Variants in TRABD observed in about 807,000 individuals in gnomAD.
TRABD encodes the protein TraB domain containing.
TRABD carries 23 observed loss-of-function variants against 39.6 expected under a neutral mutation model. That is an observed-to-expected ratio of 0.58 (90% CI 0.42 to 0.82). The LOEUF (loss-of-function observed/expected upper bound fraction) is 0.82, where lower values mean the gene tolerates loss of function less well. Ranked by LOEUF, TRABD falls within the 40% of genes least tolerant of loss-of-function variation. TRABD has a pLI of 0.00. For missense variants in TRABD, 487 were observed against 544.9 expected (o/e 0.89, Z 1.06); for synonymous variants, 243 against 232.1 (o/e 1.05, Z -0.43).
chr22:50,199,492 C>T lies in TRABD; in HGVS notation c.*973C>T, dbSNP rs571774059. The T allele has an allele frequency of 7.7e-4, 160 of 206,884 alleles. 1 individual carries two copies. The South Asian group carries it at 0.021, about 28-fold the overall frequency. The allele number at this position is 206,884 out of a possible 1,614,324, so 12.8% of individuals were successfully genotyped here. A position where few individuals can be genotyped will look rare whatever the true frequency, so the allele number is the denominator to read the frequency against. ...ATCTCTGGTTGTGTCTGTGCCGACT[C>T]GGTGTTGAATCAAATCAGGTGTGCG... On this transcript the variant is annotated 3_prime_UTR_variant, in exon 10 of 10. Transcript: ENST00000380909.
At chr22:50,192,938 G>T in intron 1 of TRABD, 89 bp from the exon 2 acceptor site, 1 of 1,242,350 alleles carries the variant, frequency 8.0e-7, no homozygotes, top group East Asian at 2.5e-5. Context: ...CCCAACAGAT[G>T]GTTCTAGACT....
intron 1 of TRABD, among the ~76,000 whole-genome samples, chr22:50,186,395 G>T (rs1172090058): frequency 6.6e-6 from 1 of 152,012 alleles, no homozygotes; most frequent in East Asian, 1.9e-4. Flanking sequence ...GTTTGGGGCG[G>T]GAGCAGGCCC....
rs750136781 is a variant in TRABD at position 50,198,205 on chromosome 22, C to T, written c.956+19C>T. On this transcript the variant is annotated intron_variant, in intron 9 of 9. Coordinates refer to ENST00000380909, the MANE Select transcript of TRABD (RefSeq NM_001320485.2). The surrounding 1 kb of genome is among the most constrained non-coding windows in gnomAD (Gnocchi z 7.9). ...TCATGACGTGAGTGCCCGCCCCTCC[C>T]TGCAAGCCCCACCCCACAAGCCCCC... 6.3e-7 allele frequency: 1 copy of T among 1,589,660 alleles called. No individual in the cohort carries two copies. The highest frequency in any genetic ancestry group is 1.3e-5 in the African/African-American group (1 of 74,244).
Position 50,194,468 on chromosome 22 carries a change from GCCCACT to G in TRABD, c.242_247del (p.Ala81_Phe83delinsVal). 6.2e-7 allele frequency: 1 copy of G among 1,605,018 alleles called. No individual in the cohort carries two copies. On this transcript the variant is annotated inframe_deletion, in exon 4 of 10. Coordinates refer to ENST00000380909, the MANE Select transcript of TRABD (RefSeq NM_001320485.2). ...GAGCAGGGTGTACGTGGTGGGGACAGCCCACTTCAGCGACGACAGCAAGAGGGACGT... is the reference window on the plus strand; with the variant it reads ...GAGCAGGGTGTACGTGGTGGGGACAGTCAGCGACGACAGCAAGAGGGACGT...
chr22:50,199,146 A>G lies in TRABD; in HGVS notation c.*627A>G. On this transcript the variant is annotated 3_prime_UTR_variant, in exon 10 of 10. Transcript: ENST00000380909. Reference sequence around the variant, plus strand: ...AAAACTGAAGTAAATGTCAAAAAACACCAGCCTTAAATCCAAAGGGAGAGA... The same window carrying G: ...AAAACTGAAGTAAATGTCAAAAAACGCCAGCCTTAAATCCAAAGGGAGAGA... 1.4e-6 allele frequency: 1 copy of G among 719,966 alleles called. No homozygotes were observed. Among genetic ancestry groups the G allele is most frequent in the Non-Finnish European group, 2.6e-6 (1 of 385,968 alleles). 44.6% of individuals were successfully genotyped at this position (719,966 alleles called of 1,614,324 possible).
chr22:50,192,603 G>C (rs903162328), intron 1 of TRABD, among the ~76,000 whole-genome samples: 3 of 152,242 alleles, frequency 2.0e-5, no homozygotes, highest in African/African-American at 7.2e-5. Flanking sequence ...AAGGGGAAGT[G>C]GCTTTTGTAC....
intron 7 of TRABD, 59 bp from the exon 8 acceptor site, chr22:50,197,764 G>GGCCCCCCCCCCCCCCCCCCGGGGCCCCCC: frequency 7.8e-7 from 1 of 1,284,796 alleles, no homozygotes; most frequent in Non-Finnish European, 1.1e-6. Flanking sequence ...CACAGTGCCA[G>GGCCCCCCCCCCCCCCCCCCGGGGCCCCCC]CCCCACCCCC....
rs1014589989 is a variant in TRABD, at chr22:50,199,392, C to T, written c.*873C>T. 1.3e-5 allele frequency: 5 copies of T among 373,094 alleles called. No individual in the cohort carries two copies. The highest frequency in any genetic ancestry group is 1.1e-4 in the South Asian group (3 of 26,152). The allele number at this position is 373,094 out of a possible 1,614,324, so 23.1% of individuals were successfully genotyped here. A position where few individuals can be genotyped will look rare whatever the true frequency, so the allele number is the denominator to read the frequency against. On this transcript the variant is annotated 3_prime_UTR_variant, in exon 10 of 10. Transcript: ENST00000380909. Reference sequence around the variant, plus strand: ...TGTCCCGCTCAGGCCCCCTGCCCGGCGGCCGTCTGTGTGCGGGGCCTCCCT... The same window carrying T: ...TGTCCCGCTCAGGCCCCCTGCCCGGTGGCCGTCTGTGTGCGGGGCCTCCCT...
intron 1 of TRABD, among the ~76,000 whole-genome samples, chr22:50,186,897 G>A (rs1421881430): frequency 1.2e-4 from 19 of 152,262 alleles, no homozygotes; most frequent in Non-Finnish European, 1.5e-4. Context: ...AGCTGTCTGG[G>A]CACTAGCGTC....
At chr22:50,196,148 G>A (rs1241255282) in intron 5 of TRABD, among the ~76,000 whole-genome samples, 2 of 152,298 alleles carry the variant, frequency 1.3e-5, no homozygotes, top group East Asian at 1.9e-4. Flanking sequence ...GTCCCCTCCC[G>A]GGGGACACTC....
Position 50,198,039 on chromosome 22 carries a change from C to A in TRABD, c.845-36C>A, listed in dbSNP as rs758718870. On this transcript the variant is annotated intron_variant, in intron 8 of 9. Coordinates refer to ENST00000380909, the MANE Select transcript of TRABD (RefSeq NM_001320485.2). The surrounding 1 kb of genome is among the most constrained non-coding windows in gnomAD (Gnocchi z 7.9). The stretch of plus-strand genomic sequence containing the variant: ...CGTGGGACCCCCTGTGAGGCTGAGG[C>A]CCGAGCAGGTACTGACCCCTTGTCC... 5 of 1,611,006 alleles carry A rather than the reference C, an allele frequency of 3.1e-6. No homozygotes were observed. The highest frequency in any genetic ancestry group is 4.2e-6 in the Non-Finnish European group (5 of 1,178,786).
At chr22:50,188,049 A>T (rs181301031) in intron 1 of TRABD, among the ~76,000 whole-genome samples, 3 of 152,102 alleles carry the variant, frequency 2.0e-5, no homozygotes, top group African/African-American at 7.2e-5. Flanking sequence ...TGGGAGGCCG[A>T]GGCAGGTGGA....
chr22:50,190,390 G>T (rs975620177), intron 1 of TRABD, among the ~76,000 whole-genome samples: 1 of 152,188 alleles, frequency 6.6e-6, no homozygotes, highest in African/African-American at 2.4e-5. Flanking sequence ...CTGCTGCACC[G>T]AGACCCTGCC....
At position 50,198,370 on chromosome 22, in the gene TRABD, A is replaced by G. The variant is rs1284222722; in HGVS notation, c.982A>G (p.Arg328Gly). ...MTVPPPSVSG[R>G]VSRLAVKAAF... ...CGTGCCCCCGCCGTCCGTCTCCGGC[A>G]GAGTGTCTCGGTTGGCCGTGAAGGC... The change falls in exon 10 of 10, where the codon AGA becomes GGA. Residue 328 changes from arginine to glycine, a missense_variant. This residue lies in a region of TRABD where 123 missense variants were observed against 108.3 expected (regional missense o/e 1.14). Transcript: ENST00000380909. This position sits in a 1 kb window ranked among gnomAD's most constrained non-coding sequence, Gnocchi z 7.9. The G allele has an allele frequency of 6.3e-7, 1 of 1,585,158 alleles. No homozygotes were observed. Among genetic ancestry groups the G allele is most frequent in the Non-Finnish European group, 8.5e-7 (1 of 1,170,858 alleles).
At chr22:50,197,799 G>A in intron 7 of TRABD, 24 bp from the exon 8 acceptor site, 2 of 1,605,650 alleles carry the variant, frequency 1.2e-6, no homozygotes. Context: ...ATCCCTGCGG[G>A]GCTGCAGCCA....
Position 50,198,388 on chromosome 22 carries a change from G to C in TRABD, c.1000G>C (p.Val334Leu), listed in dbSNP as rs772136497. Reference sequence around the variant, plus strand: ...CTCCGGCAGAGTGTCTCGGTTGGCCGTGAAGGCCGCCTTCTTCGGCCTGCT... The same window carrying C: ...CTCCGGCAGAGTGTCTCGGTTGGCCCTGAAGGCCGCCTTCTTCGGCCTGCT... ...SVSGRVSRLA[V>L]KAAFFGLLGY... is the part of the protein sequence containing the mutation. The change falls in exon 10 of 10, where the codon GTG becomes CTG. Residue 334 changes from valine (V) to leucine (L), a missense_variant. Physicochemically the swap from Val to Leu is conservative, Grantham distance 32. Transcript: ENST00000380909. The surrounding 1 kb of genome is among the most constrained non-coding windows in gnomAD (Gnocchi z 7.9). 2 of 1,592,486 alleles carry C rather than the reference G, an allele frequency of 1.3e-6. No individual in the cohort carries two copies. The highest frequency in any genetic ancestry group is 1.1e-5 in the South Asian group (1 of 89,946).
Position 50,197,811 on chromosome 22 carries a change from C to G in TRABD, c.672-12C>G. The G allele has an allele frequency of 6.9e-7, 1 of 1,443,572 alleles. No individual in the cohort carries two copies. Among genetic ancestry groups the G allele is most frequent in the Non-Finnish European group, 9.4e-7 (1 of 1,066,204 alleles). 89.4% of individuals were successfully genotyped at this position (1,443,572 alleles called of 1,614,324 possible). A position where few individuals can be genotyped will look rare whatever the true frequency, so the allele number is the denominator to read the frequency against. Reference sequence around the variant, plus strand: ...CCCATCCCTGCGGGGCTGCAGCCATCCCTCTCCACAGCAAGGATGACGTGG... The same window carrying G: ...CCCATCCCTGCGGGGCTGCAGCCATGCCTCTCCACAGCAAGGATGACGTGG... On this transcript the variant is annotated splice_polypyrimidine_tract_variant and intron_variant, in intron 7 of 9. Transcript: ENST00000380909.
chr22:50,197,776 C>CCCCCCCCTT, intron 7 of TRABD, 47 bp from the exon 8 acceptor site: 1 of 1,439,454 alleles, frequency 6.9e-7, no homozygotes. Context: ...CCCACCCCCC[C>CCCCCCCCTT]AGCCCGTTGC....
rs145870754 is a variant in TRABD, at chr22:50,195,007, C to T, written c.387C>T (p.Leu129=). 0.01 allele frequency: 16,727 copies of T among 1,606,980 alleles called. 111 individuals carry two copies. The highest frequency in any genetic ancestry group is 0.011 in the Non-Finnish European group (13,436 of 1,178,794). The change falls in exon 5 of 10, where the codon CTC becomes CTT. Residue 129 remains leucine (L), a synonymous_variant. Transcript: ENST00000380909. ...ESTLLREAQE[L]SLEKLQQAVR... ...CGCTGCTGCGGGAGGCCCAGGAGCTCAGCCTGGAGAAGCTGCAGCAGGCCG... is the reference window on the plus strand; with the variant it reads ...CGCTGCTGCGGGAGGCCCAGGAGCTTAGCCTGGAGAAGCTGCAGCAGGCCG...
Sources: gnomAD v4.1 joint callset for allele counts (sites outside exome capture counted in the v4.1 genomes callset) on GRCh38, gnomAD v4.1.1 for gene constraint, gnomAD v4.1.1 regional missense constraint, Gnocchi (gnomAD v3.1) non-coding constraint, MANE v1.5 for transcripts, NCBI Gene and HGNC (gene_info 2026-07-23, HGNC 2026-07-21) for gene names.